The following AFF4 variants were observed in gnomAD, a reference collection of about 807,000 sequenced individuals.
AFF4 encodes AF4/FMR2 family member 4.
A neutral mutation model predicts 124.8 loss-of-function variants in AFF4; 13 were observed. The ratio of observed to expected loss-of-function variants is 0.10; its 90% CI spans 0.07 to 0.17. The LOEUF (loss-of-function observed/expected upper bound fraction) is 0.17. AFF4 is among the 10% of genes least tolerant of loss of function. The probability of loss-of-function intolerance (pLI) is 1.00; values close to 1 mark genes in which losing one functional copy is unlikely to be tolerated. For synonymous variants in AFF4, 477 were observed against 496.1 expected (o/e 0.96, Z 0.51); for missense variants, 1,092 against 1,403.8 (o/e 0.78, Z 3.55).
intron 11 of AFF4, among the ~76,000 whole-genome samples, chr5:132,894,962 AAAAAT>A (rs1284784048): frequency 6.6e-6 from 1 of 152,192 alleles, no homozygotes; most frequent in Admixed American, 6.5e-5. Flanking sequence ...TAAAAGTAAG[AAAAAT>A]AAAATAAAAT....
chr5:132,942,277 C>G (rs1258963206), intron 1 of AFF4, among the ~76,000 whole-genome samples: 2 of 152,108 alleles, frequency 1.3e-5, no homozygotes, highest in Non-Finnish European at 2.9e-5. Context: ...AACCTGGTTA[C>G]TAGGCTCTTA....
At chr5:132,891,010 TAATA>T (rs1438699175) in intron 13 of AFF4, among the ~76,000 whole-genome samples, 10 of 151,078 alleles carry the variant, frequency 6.6e-5, no homozygotes, top group African/African-American at 9.7e-5. Flanking sequence ...ATAAATTAAT[TAATA>T]AATTAATTAA....
At position 132,879,380 on chromosome 5, in the gene AFF4, A is replaced by C. The variant is rs1759916135; in HGVS notation, c.*1679T>G. On this transcript the variant is annotated 3_prime_UTR_variant, in exon 21 of 21. Coordinates refer to ENST00000265343, the MANE Select transcript of AFF4 (RefSeq NM_014423.4). The stretch of plus-strand genomic sequence containing the variant: ...GTAGGATAATCTTTTTTTCTGACTG[A>C]ATGGATTCATTTTTGGAATGGGGAG... 1 of 209,676 alleles carries C rather than the reference A, an allele frequency of 4.8e-6. No individual in the cohort carries two copies. Among genetic ancestry groups the C allele is most frequent in the African/African-American group, 2.3e-5 (1 of 44,006 alleles). The allele number at this position is 209,676 out of a possible 1,614,324, so 13.0% of individuals were successfully genotyped here.
intron 1 of AFF4, chr5:132,943,820 A>C (rs1307350319): frequency 4.0e-6 from 1 of 248,542 alleles, no homozygotes; most frequent in Non-Finnish European, 8.7e-6. Flanking sequence ...AGTGCTGGCT[A>C]TGCTCCTGTA....
At chr5:132,907,429 A>C (rs764400469) in intron 5 of AFF4, among the ~76,000 whole-genome samples, 5 of 152,168 alleles carry the variant, frequency 3.3e-5, no homozygotes, top group Admixed American at 6.5e-5. Flanking sequence ...GATAAGCAAA[A>C]ACTGACAAGG....
At chr5:132,903,685 G>A (rs568768449) in intron 6 of AFF4, among the ~76,000 whole-genome samples, 1 of 152,132 alleles carries the variant, frequency 6.6e-6, no homozygotes, top group South Asian at 2.1e-4. Context: ...AACAGGGACT[G>A]TACAAATATA....
intron 5 of AFF4, among the ~76,000 whole-genome samples, chr5:132,905,850 CAGAAT>C (rs1365282194): frequency 6.6e-6 from 1 of 152,072 alleles, no homozygotes; most frequent in African/African-American, 2.4e-5. Context: ...AGACAACTCA[CAGAAT>C]AGGAGAAAAT....
At chr5:132,920,236 G>T (rs1269346984) in intron 5 of AFF4, among the ~76,000 whole-genome samples, 1 of 151,890 alleles carries the variant, frequency 6.6e-6, no homozygotes, top group East Asian at 1.9e-4. Flanking sequence ...TTTTAGTGGA[G>T]TCGGAGTTTC....
intron 1 of AFF4, among the ~76,000 whole-genome samples, chr5:132,958,622 A>G (rs1423679680): frequency 6.6e-6 from 1 of 152,190 alleles, no homozygotes; most frequent in African/African-American, 2.4e-5. Context: ...TTAACAGGTA[A>G]GAAACAAGTT....
intron 5 of AFF4, among the ~76,000 whole-genome samples, chr5:132,908,437 T>C (rs60198843): frequency 0.16 from 23,639 of 151,952 alleles, 2,451 homozygotes; most frequent in East Asian, 0.46. Context: ...TAAATCACAG[T>C]AACAAAATTT....
In AFF4 at chr5:132,880,426, C is replaced by T; in HGVS notation, c.*633G>A. Reference sequence around the variant, plus strand: ...TTTCATAGTACATACATGTAGAATGCCATTTTCTCATATTTAAGTGATTTT... The same window carrying T: ...TTTCATAGTACATACATGTAGAATGTCATTTTCTCATATTTAAGTGATTTT... On this transcript the variant is annotated 3_prime_UTR_variant, in exon 21 of 21. Coordinates refer to ENST00000265343, the MANE Select transcript of AFF4 (RefSeq NM_014423.4). The T allele has an allele frequency of 2.5e-6, 1 of 398,376 alleles. No individual in the cohort carries two copies. Among genetic ancestry groups the T allele is most frequent in the Non-Finnish European group, 4.4e-6 (1 of 225,814 alleles). The allele number at this position is 398,376 out of a possible 1,614,324, so 24.7% of individuals were successfully genotyped here. A position where few individuals can be genotyped will look rare whatever the true frequency, so the allele number is the denominator to read the frequency against.
chr5:132,948,808 C>A (rs1761759890), intron 1 of AFF4: 1 of 153,652 alleles, frequency 6.5e-6, no homozygotes, highest in East Asian at 1.9e-4. Flanking sequence ...ATGCAGGCCA[C>A]CTTCTTCGAC....
At position 132,888,084 on chromosome 5, in the gene AFF4, A is replaced by G. The variant is rs1760162289; in HGVS notation, c.2796+13T>C. 1 of 1,609,204 alleles carries G rather than the reference A, an allele frequency of 6.2e-7. No individual in the cohort carries two copies. ...TGATTAAATACGTAAGTGTAAGGAG[A>G]ATATCTACATACCAATGCATCTGCA... On this transcript the variant is annotated intron_variant, in intron 15 of 20. Coordinates refer to ENST00000265343, the MANE Select transcript of AFF4 (RefSeq NM_014423.4).
At chr5:132,895,121 A>C (rs1362694341) in intron 11 of AFF4, among the ~76,000 whole-genome samples, 1 of 152,218 alleles carries the variant, frequency 6.6e-6, no homozygotes, top group Non-Finnish European at 1.5e-5. Context: ...CCCACAGCCA[A>C]GTCCAGCGAT....
In AFF4 at chr5:132,878,875, A is replaced by C. The variant is rs184372397; in HGVS notation, c.*2184T>G. 790 of 223,270 alleles carry C rather than the reference A, an allele frequency of 3.5e-3. 3 individuals carry two copies. The highest frequency in any genetic ancestry group is 6.2e-3 in the Admixed American group (109 of 17,500). 13.8% of individuals were successfully genotyped at this position (223,270 alleles called of 1,614,324 possible). A position where few individuals can be genotyped will look rare whatever the true frequency, so the allele number is the denominator to read the frequency against. Reference sequence around the variant, plus strand: ...GTATCCCACTGGCTGTTGTTGCTGAAAGTCTGAAAGCCCAGAGGATACTTT... The same window carrying C: ...GTATCCCACTGGCTGTTGTTGCTGACAGTCTGAAAGCCCAGAGGATACTTT... On this transcript the variant is annotated 3_prime_UTR_variant, in exon 21 of 21. Coordinates refer to ENST00000265343, the MANE Select transcript of AFF4 (RefSeq NM_014423.4).
Position 132,899,659 on chromosome 5 carries a change from A to G in AFF4, c.1134-18T>C. ...TTAACATACTAGAGGGAAAAGACAA[A>G]GAATTATTATTTTTGGAACAGTTTA... is the stretch of plus-strand genomic sequence containing the variant. On this transcript the variant is annotated intron_variant, in intron 7 of 20. Transcript: ENST00000265343. 1 of 1,600,110 alleles carries G rather than the reference A, an allele frequency of 6.2e-7. No homozygotes were observed.
chr5:132,881,242 A>T, intron 20 of AFF4, 56 bp from the exon 21 acceptor site: 1 of 1,573,986 alleles, frequency 6.4e-7, no homozygotes, highest in Non-Finnish European at 8.7e-7. Context: ...TCACTGCTTT[A>T]AAACTATGAG....
chr5:132,886,187 G>A, intron 18 of AFF4, 123 bp downstream of exon 18: 1 of 789,050 alleles, frequency 1.3e-6, no homozygotes. Context: ...TATTTGAAAA[G>A]TCCCAAACAG....
intron 1 of AFF4, among the ~76,000 whole-genome samples, chr5:132,938,499 A>C (rs1202057109): frequency 6.6e-6 from 1 of 151,812 alleles, no homozygotes; most frequent in African/African-American, 2.4e-5. Flanking sequence ...TCCTGACCTC[A>C]AGTGATCCTC....
Sources: gnomAD v4.1 joint callset for allele counts (sites outside exome capture counted in the v4.1 genomes callset) on GRCh38, gnomAD v4.1.1 for gene constraint, MANE v1.5 for transcripts, NCBI Gene and HGNC (gene_info 2026-07-23, HGNC 2026-07-21) for gene names.